SLIT3: variants seen among roughly 807,000 people sequenced by gnomAD.
SLIT3 encodes the protein slit homolog 3 protein.
In SLIT3, 68 loss-of-function variants were observed where a neutral mutation model predicts 184.0. The observed-to-expected ratio is 0.37, with a 90% CI of 0.30 to 0.45. SLIT3 has a LOEUF of 0.45. Ranked by LOEUF, SLIT3 falls within the 20% of genes least tolerant of loss-of-function variation. The pLI, the probability that SLIT3 is intolerant of heterozygous loss-of-function variation, is 1.00. For missense variants in SLIT3, 1,707 were observed against 2,026.0 expected (o/e 0.84, Z 3.02); for synonymous variants, 831 against 828.6 (o/e 1.00, Z -0.05).
At chr5:169,124,356 G>A (rs1388651184) in intron 4 of SLIT3, among the ~76,000 whole-genome samples, 1 of 152,178 alleles carries the variant, frequency 6.6e-6, no homozygotes, top group Non-Finnish European at 1.5e-5. Flanking sequence ...AGACAAGCAG[G>A]GTTGCTGTGA....
chr5:169,258,592 T>TC, intron 1 of SLIT3, among the ~76,000 whole-genome samples: 1 of 152,206 alleles, frequency 6.6e-6, no homozygotes, highest in Non-Finnish European at 1.5e-5. Context: ...GGATTGTTTT[T>TC]CCCCATCCCA....
At chr5:168,901,319 A>T (rs1760866092) in intron 4 of SLIT3, among the ~76,000 whole-genome samples, 1 of 152,092 alleles carries the variant, frequency 6.6e-6, no homozygotes, top group African/African-American at 2.4e-5. Flanking sequence ...AGCTGAGATG[A>T]CACCACTGCA....
intron 1 of SLIT3, among the ~76,000 whole-genome samples, chr5:169,261,796 CA>C (rs946970053): frequency 6.6e-6 from 1 of 152,134 alleles, no homozygotes; most frequent in Non-Finnish European, 1.5e-5. Context: ...CCATGCAACA[CA>C]AAAAAGGTGG....
intron 1 of SLIT3, 64 bp from the exon 2 acceptor site, chr5:169,251,523 G>A: frequency 9.6e-7 from 1 of 1,044,536 alleles, no homozygotes; most frequent in Non-Finnish European, 1.5e-6. Flanking sequence ...ATTTAATCCA[G>A]ACTGGCTTGG....
intron 1 of SLIT3, among the ~76,000 whole-genome samples, chr5:169,262,272 G>A (rs979546499): frequency 1.3e-5 from 2 of 152,210 alleles, no homozygotes; most frequent in Non-Finnish European, 2.9e-5. Flanking sequence ...TATGGGCATA[G>A]CTAGGAAACA....
chr5:168,933,524 G>A (rs562921072), intron 4 of SLIT3, among the ~76,000 whole-genome samples: 1 of 151,194 alleles, frequency 6.6e-6, no homozygotes, highest in Non-Finnish European at 1.5e-5. Context: ...CTGGGTGACA[G>A]AACAAGACTC....
intron 4 of SLIT3, among the ~76,000 whole-genome samples, chr5:169,049,055 A>G (rs1757727526): frequency 6.6e-6 from 1 of 152,168 alleles, no homozygotes; most frequent in Non-Finnish European, 1.5e-5. Context: ...TTTCTTCGAG[A>G]AAAGTCAATA....
chr5:168,818,808 CA>C (rs1365936587), intron 7 of SLIT3, among the ~76,000 whole-genome samples: 7 of 152,354 alleles, frequency 4.6e-5, no homozygotes, highest in Admixed American at 1.3e-4. Context: ...TGGATGCCAG[CA>C]GGGCCTTCCT....
intron 4 of SLIT3, among the ~76,000 whole-genome samples, chr5:169,069,883 G>A (rs1175667713): frequency 1.3e-5 from 2 of 152,298 alleles, no homozygotes; most frequent in East Asian, 3.9e-4. Context: ...GAGAGTCTGG[G>A]TAGTGGGGAA....
At chr5:168,798,011 T>C (rs764127065) in intron 9 of SLIT3, among the ~76,000 whole-genome samples, 1 of 151,918 alleles carries the variant, frequency 6.6e-6, no homozygotes. Flanking sequence ...TGGAAGTAGG[T>C]ATTCAGGGAA....
At position 168,919,615 on chromosome 5, in the gene SLIT3, T is replaced by C. The variant is rs533746698; in HGVS notation, c.414-36279A>G. Among the ~76,000 whole-genome samples the C allele has an allele frequency of 3.9e-5, 6 of 152,166 alleles. 1 individual carries two copies. In the South Asian group the frequency reaches 1.2e-3, roughly 32 times the overall value. On this transcript the variant is annotated intron_variant, in intron 4 of 35. Transcript: ENST00000519560. Reference sequence around the variant, plus strand: ...ATGGGGGTGGATGGGAACTGTTGTATTGTAAAATTAGGTAATATGTAATTT... The same window carrying C: ...ATGGGGGTGGATGGGAACTGTTGTACTGTAAAATTAGGTAATATGTAATTT...
In SLIT3 at chr5:169,132,727, C is replaced by T. The variant is rs112487900; in HGVS notation, c.413+60752G>A. 2.4e-3 allele frequency among the ~76,000 whole-genome samples: 373 copies of T among 152,276 alleles called. 2 individuals are homozygous for T. Among genetic ancestry groups the T allele is most frequent in the African/African-American group, 8.6e-3 (359 of 41,548 alleles). On this transcript the variant is annotated intron_variant, in intron 4 of 35. Transcript: ENST00000519560. ...GAGATGCACTAAATTTCTTGGCTAA[C>T]CCCAAGTATACAAGGAAATACGGTG... is the stretch of plus-strand genomic sequence containing the variant.
chr5:168,753,135 A>G (rs528692408), intron 17 of SLIT3, 37 bp from the exon 18 acceptor site: 5 of 1,610,286 alleles, frequency 3.1e-6, no homozygotes, highest in Non-Finnish European at 3.4e-6. Context: ...GAGCACAGGC[A>G]TGATCTTTTC....
At chr5:168,903,003 T>C (rs1424505633) in intron 4 of SLIT3, among the ~76,000 whole-genome samples, 2 of 152,130 alleles carry the variant, frequency 1.3e-5, no homozygotes, top group Non-Finnish European at 2.9e-5. Flanking sequence ...ATGGAAGGGT[T>C]TCCAGCAGGA....
Position 168,666,380 on chromosome 5 carries a change from C to T in SLIT3, c.*74G>A. The T allele has an allele frequency of 1.4e-6, 2 of 1,390,080 alleles. No individual in the cohort carries two copies. Among genetic ancestry groups the T allele is most frequent in the Non-Finnish European group, 1.9e-6 (2 of 1,055,346 alleles). The allele number at this position is 1,390,080 out of a possible 1,614,324, so 86.1% of individuals were successfully genotyped here. On this transcript the variant is annotated 3_prime_UTR_variant, in exon 36 of 36. Coordinates refer to ENST00000519560, the MANE Select transcript of SLIT3 (RefSeq NM_003062.4). ...GCTTCATTTCCTTCATGCTGAATCA[C>T]CAGGGGGTCCCACATGGCTGTCCCA...
rs142031973 is a variant in SLIT3, at chr5:169,097,289, T to C, written c.413+96190A>G. Among the ~76,000 whole-genome samples the C allele has an allele frequency of 4.1e-3, 617 of 152,244 alleles. 4 individuals carry two copies. Among genetic ancestry groups the C allele is most frequent in the South Asian group, 7.7e-3 (37 of 4,828 alleles). ...TCACTTTTCTTCCCCACTTAGTCCA[T>C]TAAGTGTGAGATGTGGTATTACAGT... On this transcript the variant is annotated intron_variant, in intron 4 of 35. Coordinates refer to ENST00000519560, the MANE Select transcript of SLIT3 (RefSeq NM_003062.4).
intron 4 of SLIT3, among the ~76,000 whole-genome samples, chr5:168,935,883 A>C (rs1211791033): frequency 6.6e-6 from 1 of 152,240 alleles, no homozygotes; most frequent in Non-Finnish European, 1.5e-5. Flanking sequence ...TTGTTTAAAG[A>C]ATATTCTTTC....
intron 8 of SLIT3, 105 bp from the exon 9 acceptor site, chr5:168,806,692 A>G: frequency 7.6e-7 from 1 of 1,308,006 alleles, no homozygotes. Flanking sequence ...CCTGACAGCC[A>G]TCTGAGAAAT....
Position 169,042,805 on chromosome 5 carries a change from T to C in SLIT3, c.413+150674A>G, listed in dbSNP as rs573332369. 2.6e-5 allele frequency among the ~76,000 whole-genome samples: 4 copies of C among 152,278 alleles called. No individual in the cohort carries two copies. The South Asian group carries it at 8.3e-4, about 32-fold the overall frequency. Reference sequence around the variant, plus strand: ...TGCTGGGCTTGGGATTCTGAACAGGTGTGTTCCATTTTAAGAAATCCTGTT... The same window carrying C: ...TGCTGGGCTTGGGATTCTGAACAGGCGTGTTCCATTTTAAGAAATCCTGTT... On this transcript the variant is annotated intron_variant, in intron 4 of 35. Coordinates refer to ENST00000519560, the MANE Select transcript of SLIT3 (RefSeq NM_003062.4).
Sources: allele counts gnomAD v4.1 joint callset (sites outside exome capture counted in the v4.1 genomes callset), GRCh38; gene constraint gnomAD v4.1.1; transcripts MANE v1.5; gene names NCBI Gene and HGNC (gene_info 2026-07-23, HGNC 2026-07-21).